Variants in UPRT observed in about 807,000 individuals in gnomAD.
UPRT encodes RP11-311P8.3.
A neutral mutation model predicts 22.6 loss-of-function variants in UPRT; 5 were observed. That is an observed-to-expected ratio of 0.22 (90% CI 0.12 to 0.47). The LOEUF (loss-of-function observed/expected upper bound fraction) is 0.47. Ranked by LOEUF, UPRT falls within the 20% of genes least tolerant of loss-of-function variation. UPRT has a pLI of 0.99. For synonymous variants in UPRT, 77 were observed against 87.7 expected, an observed-to-expected ratio of 0.88 and a Z score of 0.68; for missense variants, 181 against 239.9, an observed-to-expected ratio of 0.75 and a Z score of 1.62.
At chrX:75,272,967 C>T (rs1160838753), upstream of UPRT, among the ~76,000 whole-genome samples, 1 of 111,938 alleles carries the variant, frequency 8.9e-6, no homozygotes, top group Non-Finnish European at 1.9e-5. Context: ...AAATGTGGTA[C>T]ATATACACCA....
At chrX:75,219,048 AT>A (rs2047727645) in intron 4 of UPRT, among the ~76,000 whole-genome samples, 2 of 111,502 alleles carry the variant, frequency 1.8e-5, no homozygotes, top group African/African-American at 3.2e-5. Context: ...TAATAATAAA[AT>A]TTAAAAAAAA....
intron 4 of UPRT, among the ~76,000 whole-genome samples, chrX:75,265,495 G>T (rs2082585151): frequency 8.9e-6 from 1 of 112,012 alleles, no homozygotes; most frequent in Admixed American, 9.5e-5. Flanking sequence ...TTGTGCCTTT[G>T]TCACGTAGTT....
chrX:75,173,092 A>G (rs2082233763), intron 4 of UPRT, among the ~76,000 whole-genome samples: 1 of 111,487 alleles, frequency 9.0e-6, no homozygotes, highest in Non-Finnish European at 1.9e-5. Context: ...AAGGTTTTCC[A>G]TGTCCTTATC....
chrX:75,248,579 C>T (rs945625601), intron 4 of UPRT, among the ~76,000 whole-genome samples: 3 of 112,087 alleles, frequency 2.7e-5, no homozygotes, highest in Admixed American at 1.9e-4. Context: ...AAATCTACGT[C>T]TGATTGGTGT....
chrX:75,242,780 T>C, intron 4 of UPRT, among the ~76,000 whole-genome samples: 2 of 111,557 alleles, frequency 1.8e-5, no homozygotes, highest in Non-Finnish European at 3.8e-5. Flanking sequence ...CTCCTTATGA[T>C]GTGACTTCAA....
chrX:75,256,453 A>G (rs901430132), intron 4 of UPRT, among the ~76,000 whole-genome samples: 2 of 111,362 alleles, frequency 1.8e-5, no homozygotes, highest in Non-Finnish European at 3.8e-5. Flanking sequence ...CACCTCAAGG[A>G]ACTAGAGAAA....
chrX:75,264,434 T>G (rs1434616998), intron 4 of UPRT, among the ~76,000 whole-genome samples: 1 of 111,955 alleles, frequency 8.9e-6, no homozygotes, highest in South Asian at 3.8e-4. Flanking sequence ...ATAGTTAGGA[T>G]AGTTAGCTCT....
At chrX:75,177,738 A>C (rs2082253195) in intron 4 of UPRT, among the ~76,000 whole-genome samples, 1 of 111,978 alleles carries the variant, frequency 8.9e-6, no homozygotes, top group Non-Finnish European at 1.9e-5. Context: ...GGATCCTAAA[A>C]TTCCAGGTAG....
chrX:75,270,598 CTT>C (rs770877202), upstream of UPRT, among the ~76,000 whole-genome samples: 1 of 111,808 alleles, frequency 8.9e-6, no homozygotes, highest in Non-Finnish European at 1.9e-5. Flanking sequence ...GAGTTCATGT[CTT>C]TTGCAGGGAC....
At chrX:75,231,996 C>A (rs887141036) in intron 4 of UPRT, among the ~76,000 whole-genome samples, 5 of 111,451 alleles carry the variant, frequency 4.5e-5, no homozygotes, top group Non-Finnish European at 9.4e-5. Flanking sequence ...GACGCAGAAG[C>A]CGGGTGATTT....
At chrX:75,246,557 A>G (rs1362761379) in intron 4 of UPRT, among the ~76,000 whole-genome samples, 1 of 111,015 alleles carries the variant, frequency 9.0e-6, no homozygotes, top group Non-Finnish European at 1.9e-5. Flanking sequence ...TAGTGCTGCA[A>G]TAAACATATG....
chrX:75,174,483 C>A (rs997075621), intron 4 of UPRT, among the ~76,000 whole-genome samples: 1 of 111,818 alleles, frequency 8.9e-6, no homozygotes, highest in Non-Finnish European at 1.9e-5. Context: ...GACACGGGAC[C>A]TAGAAAGGGG....
chrX:75,174,493 G>A (rs1249199035), intron 4 of UPRT, among the ~76,000 whole-genome samples: 4 of 112,082 alleles, frequency 3.6e-5, no homozygotes, highest in African/African-American at 1.3e-4. Context: ...CTAGAAAGGG[G>A]AGAAGCCATG....
At chrX:75,258,682 G>A (rs1028463694) in intron 4 of UPRT, among the ~76,000 whole-genome samples, 6 of 111,791 alleles carry the variant, frequency 5.4e-5, no homozygotes, top group East Asian at 2.8e-4. Context: ...GGGAAGGGGC[G>A]GCTGTGGGCA....
intron 4 of UPRT, among the ~76,000 whole-genome samples, chrX:75,233,715 C>A (rs1223475233): frequency 9.0e-6 from 1 of 110,750 alleles, no homozygotes; most frequent in Non-Finnish European, 1.9e-5. Context: ...AAATAAAATC[C>A]TTTACAGACA....
intron 4 of UPRT, among the ~76,000 whole-genome samples, chrX:75,203,516 TCACA>T (rs368566812): frequency 1.6e-3 from 102 of 64,586 alleles, no homozygotes; most frequent in Admixed American, 3.4e-3. Context: ...ACACACACAC[TCACA>T]CACACACACA....
chrX:75,283,337 G>GT (rs1220662353), intron 1 of UPRT, among the ~76,000 whole-genome samples: 26 of 108,804 alleles, frequency 2.4e-4, no homozygotes, highest in South Asian at 1.2e-3. Flanking sequence ...TCTATGTACT[G>GT]TTTTTTTTTG....
rs887906321 is a variant in UPRT at position 75,253,474 on chromosome X, A to C, written c.-446-37550A>C. ...TACACTGTAAGTGGAAGTGTAAAGT[A>C]GTTCAGCCATTGTGGAAGACAGTGT... On this transcript the variant is annotated intron_variant, in intron 4 of 13. Coordinates refer to the UPRT transcript ENST00000652605. Among the ~76,000 whole-genome samples the C allele has an allele frequency of 2.7e-5, 3 of 112,550 alleles. No individual in the cohort carries two copies. In the East Asian group the frequency reaches 8.4e-4, roughly 31 times the overall value.
At chrX:75,185,635 T>G (rs952953705) in intron 4 of UPRT, among the ~76,000 whole-genome samples, 1 of 112,053 alleles carries the variant, frequency 8.9e-6, no homozygotes, top group Non-Finnish European at 1.9e-5. Context: ...AATTCCGCTG[T>G]GAATCCATCT....
Sources: allele counts gnomAD v4.1 joint callset (sites outside exome capture counted in the v4.1 genomes callset), GRCh38; gene constraint gnomAD v4.1.1; transcripts MANE v1.5; gene names NCBI Gene and HGNC (gene_info 2026-07-23, HGNC 2026-07-21).